The following GALNT13 variants were observed in gnomAD, a reference collection of about 807,000 sequenced individuals.
GALNT13 encodes UDP-GalNAc:polypeptide N-acetylgalactosaminyltransferase 13.
In GALNT13, 28 loss-of-function variants were observed where a neutral mutation model predicts 64.2. The ratio of observed to expected loss-of-function variants is 0.44; its 90% CI spans 0.32 to 0.60. The LOEUF (loss-of-function observed/expected upper bound fraction) is 0.60, where lower values mean the gene tolerates loss of function less well. GALNT13 is among the 20% of genes least tolerant of loss of function. The pLI, the probability that GALNT13 is intolerant of heterozygous loss-of-function variation, is 0.05. For missense variants in GALNT13, 577 were observed against 669.8 expected (o/e 0.86, Z 1.53); for synonymous variants, 214 against 224.6 (o/e 0.95, Z 0.42).
At chr2:153,396,955 G>C in the GALNT13 span, among the ~76,000 whole-genome samples, 1 of 152,136 alleles carries the variant, frequency 6.6e-6, no homozygotes, top group African/African-American at 2.4e-5. Flanking sequence ...ACAAGGACAT[G>C]TGTGGGGTCT....
chr2:154,280,238 GACTTTA>G (rs1447886090), intron 8 of GALNT13, among the ~76,000 whole-genome samples: 1 of 152,104 alleles, frequency 6.6e-6, no homozygotes, highest in Non-Finnish European at 1.5e-5. Flanking sequence ...CTGATGACTA[GACTTTA>G]ACTTTAATAT....
intron 3 of GALNT13, among the ~76,000 whole-genome samples, chr2:154,080,036 A>G (rs1292341840): frequency 6.6e-6 from 1 of 151,578 alleles, no homozygotes; most frequent in Non-Finnish European, 1.5e-5. Flanking sequence ...TGTTTTCTAA[A>G]GGGCTTTTTT....
chr2:154,058,037 A>G (rs1031967722), intron 3 of GALNT13, among the ~76,000 whole-genome samples: 5 of 152,216 alleles, frequency 3.3e-5, no homozygotes, highest in African/African-American at 9.6e-5. Flanking sequence ...CCAAAATTCT[A>G]TGTAGGCTCC....
At chr2:153,876,908 A>C (rs1558829505) in intron 1 of GALNT13, among the ~76,000 whole-genome samples, 1 of 152,134 alleles carries the variant, frequency 6.6e-6, no homozygotes, top group Admixed American at 6.5e-5. Context: ...GCTCAACTTC[A>C]TTCAATGTCC....
intron 9 of GALNT13, among the ~76,000 whole-genome samples, chr2:154,363,106 T>A (rs1017782167): frequency 6.6e-5 from 10 of 152,172 alleles, no homozygotes; most frequent in Non-Finnish European, 1.0e-4. Flanking sequence ...ATCTCTGGGA[T>A]TTGTTATTTT....
At chr2:153,249,804 T>C in the GALNT13 span, among the ~76,000 whole-genome samples, 5 of 152,200 alleles carry the variant, frequency 3.3e-5, no homozygotes, top group African/African-American at 1.2e-4. Flanking sequence ...TAAATCATGC[T>C]GGGGGAACTG....
At chr2:154,274,760 A>G (rs543059630) in intron 8 of GALNT13, among the ~76,000 whole-genome samples, 2 of 152,224 alleles carry the variant, frequency 1.3e-5, no homozygotes, top group South Asian at 4.1e-4. Context: ...GTAAATTGGT[A>G]CTGGGGGTAC....
At chr2:153,348,950 A>G in the GALNT13 span, among the ~76,000 whole-genome samples, 15 of 152,160 alleles carry the variant, frequency 9.9e-5, no homozygotes, top group Non-Finnish European at 1.9e-4. Context: ...TCCATTGTGT[A>G]TTGCTCCAAT....
chr2:153,873,024 C>T (rs1001253547), intron 1 of GALNT13, among the ~76,000 whole-genome samples: 2 of 152,150 alleles, frequency 1.3e-5, no homozygotes, highest in South Asian at 4.1e-4. Flanking sequence ...TTTGTCTCTC[C>T]GTTTTGCAAC....
the GALNT13 span, among the ~76,000 whole-genome samples, chr2:153,686,656 G>A: frequency 4.6e-5 from 7 of 152,016 alleles, no homozygotes; most frequent in African/African-American, 7.2e-5. Flanking sequence ...TGGTTGCCCC[G>A]GCCAGGACAT....
At chr2:154,399,415 A>G (rs2105369841) in intron 10 of GALNT13, among the ~76,000 whole-genome samples, 1 of 152,248 alleles carries the variant, frequency 6.6e-6, no homozygotes, top group Middle Eastern at 3.4e-3. Context: ...TTAGTGTCTG[A>G]TAAAGGCTTC....
chr2:154,371,361 G>A (rs1180842480), intron 9 of GALNT13, among the ~76,000 whole-genome samples: 1 of 152,060 alleles, frequency 6.6e-6, no homozygotes, highest in Non-Finnish European at 1.5e-5. Context: ...TAATGTTGCT[G>A]TCAATGTTGT....
At chr2:154,362,000 G>C (rs1382760237) in intron 9 of GALNT13, among the ~76,000 whole-genome samples, 1 of 152,044 alleles carries the variant, frequency 6.6e-6, no homozygotes, top group Non-Finnish European at 1.5e-5. Flanking sequence ...CTTGGTAAAA[G>C]ATCCTGCTAC....
the GALNT13 span, among the ~76,000 whole-genome samples, chr2:153,694,376 T>C: frequency 6.6e-6 from 1 of 152,186 alleles, no homozygotes. Context: ...CAATGATCAA[T>C]TGATAGAACA....
At chr2:154,042,723 T>TATATATATATAG (rs59381330) in intron 3 of GALNT13, among the ~76,000 whole-genome samples, 2 of 145,952 alleles carry the variant, frequency 1.4e-5, no homozygotes, top group African/African-American at 5.0e-5. Context: ...TATATATATA[T>TATATATATATAG]TAGGTTTTCA....
At chr2:154,089,240 T>A (rs956008147) in intron 3 of GALNT13, among the ~76,000 whole-genome samples, 3 of 152,056 alleles carry the variant, frequency 2.0e-5, no homozygotes, top group Non-Finnish European at 4.4e-5. Context: ...CCCTGCTCTG[T>A]AGTTGGCTCC....
At chr2:153,939,948 T>C (rs1052732423) in intron 2 of GALNT13, among the ~76,000 whole-genome samples, 2 of 152,160 alleles carry the variant, frequency 1.3e-5, no homozygotes, top group African/African-American at 4.8e-5. Flanking sequence ...ACTCAAATCA[T>C]GACAATGTAA....
the GALNT13 span, among the ~76,000 whole-genome samples, chr2:153,435,591 A>G: frequency 2.0e-5 from 3 of 151,942 alleles, no homozygotes; most frequent in African/African-American, 4.8e-5. Context: ...CTTTGAAGCA[A>G]TTGTGAATGG....
intron 2 of GALNT13, among the ~76,000 whole-genome samples, chr2:153,902,909 A>G (rs1463183929): frequency 2.0e-5 from 3 of 152,046 alleles, no homozygotes; most frequent in Non-Finnish European, 4.4e-5. Flanking sequence ...GAGTCATTGC[A>G]GTTTACCAGT....
Sources: gnomAD v4.1 joint callset for allele counts (sites outside exome capture counted in the v4.1 genomes callset) on GRCh38, gnomAD v4.1.1 for gene constraint, MANE v1.5 for transcripts, NCBI Gene and HGNC (gene_info 2026-07-23, HGNC 2026-07-21) for gene names.